KLHL4: variants seen among roughly 807,000 people sequenced by gnomAD.
The protein encoded by KLHL4 is kelch-like protein 4.
In KLHL4, 17 loss-of-function variants were observed where a neutral mutation model predicts 45.8. The observed-to-expected ratio is 0.37, with a 90% CI of 0.25 to 0.56. The LOEUF is 0.56. Among genes scored for constraint, KLHL4 ranks in the 20% least tolerant of loss-of-function variants. The probability of loss-of-function intolerance (pLI) is 0.79; values close to 1 mark genes in which losing one functional copy is unlikely to be tolerated. For synonymous variants in KLHL4, 224 were observed against 189.9 expected, an observed-to-expected ratio of 1.18 and a Z score of -1.47; for missense variants, 544 against 544.9, an observed-to-expected ratio of 1.00 and a Z score of 0.02.
At position 87,570,003 on chromosome X, in the gene KLHL4, A is replaced by G. The variant is rs193198150; in HGVS notation, c.423-43874A>G. ...CATGTTGTGTGAATTTTACCACAAT[A>G]ACAATTTTTTTAATTGAACAAGTCT... On this transcript the variant is annotated intron_variant, in intron 1 of 10. Coordinates refer to ENST00000373119, the MANE Select transcript of KLHL4 (RefSeq NM_019117.5). Among the ~76,000 whole-genome samples the G allele has an allele frequency of 4.1e-4, 46 of 111,742 alleles. 1 individual carries two copies. In the East Asian group the frequency reaches 7.3e-3, roughly 18 times the overall value.
At chrX:87,573,988 A>G (rs1921014059) in intron 1 of KLHL4, among the ~76,000 whole-genome samples, 1 of 111,687 alleles carries the variant, frequency 9.0e-6, no homozygotes, top group Non-Finnish European at 1.9e-5. Flanking sequence ...TCATTTAAAT[A>G]TGTAAGCTAT....
chrX:87,535,864 G>C (rs977087852), intron 1 of KLHL4, among the ~76,000 whole-genome samples: 5 of 109,952 alleles, frequency 4.5e-5, no homozygotes, highest in African/African-American at 1.7e-4. Context: ...TGCAAGCTCT[G>C]GTTGATAAAA....
intron 1 of KLHL4, among the ~76,000 whole-genome samples, chrX:87,540,181 GGTGA>G (rs1314269989): frequency 1.8e-5 from 2 of 111,304 alleles, no homozygotes; most frequent in East Asian, 5.6e-4. Flanking sequence ...GTGATTGAGT[GGTGA>G]GTGACTGTGA....
intron 5 of KLHL4, among the ~76,000 whole-genome samples, chrX:87,624,465 C>T (rs1444489496): frequency 2.7e-5 from 3 of 111,902 alleles, no homozygotes; most frequent in East Asian, 2.8e-4. Context: ...AAGCAAATGC[C>T]TGGGCTCTCA....
At position 87,548,409 on chromosome X, in the gene KLHL4, C is replaced by T. The variant is rs1402327400; in HGVS notation, c.422+30094C>T. ...ACAAACAAAAAGCGAGATTAATGAGCAATAAATAATCACCTAAAGGTACAA... is the reference window on the plus strand; with the variant it reads ...ACAAACAAAAAGCGAGATTAATGAGTAATAAATAATCACCTAAAGGTACAA... On this transcript the variant is annotated intron_variant, in intron 1 of 10. Transcript: ENST00000373119. Among the ~76,000 whole-genome samples, 4 of 111,018 alleles carry T rather than the reference C, an allele frequency of 3.6e-5. No homozygotes were observed. In the East Asian group the frequency reaches 1.1e-3, roughly 32 times the overall value.
chrX:87,562,504 G>A (rs1932119490), intron 1 of KLHL4, among the ~76,000 whole-genome samples: 1 of 107,366 alleles, frequency 9.3e-6, no homozygotes, highest in South Asian at 4.3e-4. Flanking sequence ...GGACAGTAGC[G>A]ATCATGGGGT....
intron 1 of KLHL4, among the ~76,000 whole-genome samples, chrX:87,546,891 G>A (rs1931695435): frequency 8.9e-6 from 1 of 112,693 alleles, no homozygotes; most frequent in Admixed American, 9.3e-5. Context: ...TAGCCCCTTT[G>A]TTCTGTCCAA....
chrX:87,549,975 A>G (rs1931776976), intron 1 of KLHL4, among the ~76,000 whole-genome samples: 1 of 111,547 alleles, frequency 9.0e-6, no homozygotes, highest in Non-Finnish European at 1.9e-5. Flanking sequence ...AAACAACAAG[A>G]TGGTTTTTTG....
chrX:87,632,302 G>A lies in KLHL4; in HGVS notation c.1417G>A (p.Val473Ile), dbSNP rs1923121773. The A allele has an allele frequency of 1.7e-6, 2 of 1,208,454 alleles. No homozygotes were observed. The highest frequency in any genetic ancestry group is 2.2e-6 in the Non-Finnish European group (2 of 892,585). ...CCGTAGGCTTCAATTTGGAGTCGCA[G>A]TTATTGATAATAAGCTCTATGTCGT... ...NGRRLQFGVAVIDNKLYVVGG... is the reference protein window; with the variant it reads ...NGRRLQFGVAIIDNKLYVVGG... Residue 473 changes from valine to isoleucine, a missense_variant, in exon 7 of 11, where the codon GTT becomes ATT. Transcript: ENST00000373119.
intron 1 of KLHL4, among the ~76,000 whole-genome samples, chrX:87,582,411 A>G (rs757984649): frequency 2.1e-4 from 23 of 111,746 alleles, no homozygotes; most frequent in African/African-American, 6.8e-4. Context: ...ATTGTGGGGA[A>G]TAGAACTTGG....
chrX:87,568,270 T>C (rs1201654875), intron 1 of KLHL4, among the ~76,000 whole-genome samples: 1 of 110,058 alleles, frequency 9.1e-6, no homozygotes, highest in East Asian at 2.9e-4. Flanking sequence ...AGATATCCTG[T>C]GTTCCTGGAT....
intron 1 of KLHL4, among the ~76,000 whole-genome samples, chrX:87,587,843 G>A (rs952419330): frequency 3.6e-5 from 4 of 110,967 alleles, no homozygotes; most frequent in Non-Finnish European, 5.7e-5. Context: ...CACCCAAAAT[G>A]GAAAGGATGA....
intron 1 of KLHL4, among the ~76,000 whole-genome samples, chrX:87,565,247 G>A (rs775463695): frequency 1.3e-4 from 9 of 70,997 alleles, no homozygotes; most frequent in African/African-American, 5.0e-4. Context: ...TATAGCTTAA[G>A]GTAATGGAAA....
chrX:87,549,239 T>C (rs1233463753), intron 1 of KLHL4, among the ~76,000 whole-genome samples: 3 of 110,928 alleles, frequency 2.7e-5, no homozygotes, highest in African/African-American at 9.8e-5. Context: ...GTTAAATATA[T>C]ATGCATCCAA....
chrX:87,612,746 C>G (rs1237713999), intron 1 of KLHL4, among the ~76,000 whole-genome samples: 2 of 111,712 alleles, frequency 1.8e-5, no homozygotes, highest in African/African-American at 3.3e-5. Context: ...GTGGCTCACA[C>G]CTGTAATCCC....
intron 9 of KLHL4, among the ~76,000 whole-genome samples, chrX:87,649,499 T>G (rs1923740026): frequency 8.9e-6 from 1 of 111,957 alleles, no homozygotes; most frequent in Non-Finnish European, 1.9e-5. Context: ...TAATGTCTTC[T>G]GATGCACAAA....
chrX:87,613,249 G>A (rs1433219617), intron 1 of KLHL4, among the ~76,000 whole-genome samples: 1 of 111,821 alleles, frequency 8.9e-6, no homozygotes, highest in African/African-American at 3.2e-5. Context: ...TACTTGTGTT[G>A]AGATTTAAAT....
intron 1 of KLHL4, among the ~76,000 whole-genome samples, chrX:87,524,932 C>T (rs1931078798): frequency 9.0e-6 from 1 of 111,726 alleles, no homozygotes; most frequent in South Asian, 3.7e-4. Flanking sequence ...CAATAAAGGA[C>T]CATCCAATTG....
At chrX:87,607,231 C>A (rs1053089573) in intron 1 of KLHL4, among the ~76,000 whole-genome samples, 2 of 111,094 alleles carry the variant, frequency 1.8e-5, no homozygotes, top group African/African-American at 6.6e-5. Context: ...TGCTTCACCT[C>A]CAGCAATAAC....
Sources: gnomAD v4.1 joint callset for allele counts (sites outside exome capture counted in the v4.1 genomes callset) on GRCh38, gnomAD v4.1.1 for gene constraint, MANE v1.5 for transcripts, NCBI Gene and HGNC (gene_info 2026-07-23, HGNC 2026-07-21) for gene names.